Variants in MALT1 observed in about 807,000 individuals in gnomAD.
MALT1 encodes the protein mucosa-associated lymphoid tissue lymphoma translocation protein 1.
A neutral mutation model predicts 85.5 loss-of-function variants in MALT1; 36 were observed. The observed-to-expected ratio is 0.42, with a 90% CI of 0.32 to 0.56. MALT1 has a LOEUF of 0.56. Among genes scored for constraint, MALT1 ranks in the 20% least tolerant of loss-of-function variants. The pLI is 0.10. For synonymous variants in MALT1, 359 were observed against 361.3 expected (o/e 0.99, Z 0.07); for missense variants, 716 against 981.6 (o/e 0.73, Z 3.62).
chr18:58,747,360 T>G, intron 16 of MALT1, 45 bp from the exon 17 acceptor site: 9 of 1,206,992 alleles, frequency 7.5e-6, no homozygotes, highest in Non-Finnish European at 1.1e-5. Context: ...TTGATATATA[T>G]TCACTGTTGA....
rs1197187047 is a variant in MALT1 at position 58,751,123 on chromosome 18, T to C, written c.*3281T>C. 6.6e-6 allele frequency: 1 copy of C among 152,164 alleles called. No homozygotes were observed. The allele number at this position is 152,164 out of a possible 1,614,324, so 9.4% of individuals were successfully genotyped here. A position where few individuals can be genotyped will look rare whatever the true frequency, so the allele number is the denominator to read the frequency against. On this transcript the variant is annotated 3_prime_UTR_variant, in exon 17 of 17. Transcript: ENST00000649217. ...TCATGGGGTTGTTGAGCAGTTGAAA[T>C]AATAGCTAGTGTGAGGAACTGAACA...
rs75326807 is a variant in MALT1 at position 58,707,473 on chromosome 18, C to T, written c.650-1905C>T. 8.2e-3 allele frequency among the ~76,000 whole-genome samples: 1,250 copies of T among 151,526 alleles called. 35 individuals carry two copies. The East Asian group carries it at 0.11, about 14-fold the overall frequency. Reference sequence around the variant, plus strand: ...TAAGTTTTGGGATACGTGTACAGAACGTGCAGGTTTGTTACATAGGTATAC... The same window carrying T: ...TAAGTTTTGGGATACGTGTACAGAATGTGCAGGTTTGTTACATAGGTATAC... On this transcript the variant is annotated intron_variant, in intron 4 of 16. Transcript: ENST00000649217.
chr18:58,681,379 C>T, intron 2 of MALT1, 43 bp downstream of exon 2: 1 of 1,542,022 alleles, frequency 6.5e-7, no homozygotes, highest in Non-Finnish European at 8.8e-7. Context: ...GTTCATGGAG[C>T]CAAACTTAGA....
intron 4 of MALT1, among the ~76,000 whole-genome samples, chr18:58,703,690 G>A (rs757865642): frequency 3.3e-5 from 5 of 152,120 alleles, no homozygotes; most frequent in South Asian, 2.1e-4. Context: ...TGATCCAATC[G>A]CTTCCCACCA....
At chr18:58,705,584 T>G (rs1310649642) in intron 4 of MALT1, among the ~76,000 whole-genome samples, 3 of 147,750 alleles carry the variant, frequency 2.0e-5, no homozygotes, top group Non-Finnish European at 4.5e-5. Flanking sequence ...GTTTGGTTTT[T>G]TGTTCTTGCG....
intron 7 of MALT1, 40 bp from the exon 8 acceptor site, chr18:58,714,042 TG>T (rs1317778972): frequency 9.6e-6 from 9 of 939,838 alleles, no homozygotes; most frequent in Non-Finnish European, 1.5e-5. Context: ...GCTAAATTGG[TG>T]TTTAGATTAC....
Position 58,749,322 on chromosome 18 carries a change from G to T in MALT1, c.*1480G>T, listed in dbSNP as rs1003778793. The T allele has an allele frequency of 4.6e-6, 1 of 216,730 alleles. No homozygotes were observed. Among genetic ancestry groups the T allele is most frequent in the Non-Finnish European group, 9.3e-6 (1 of 107,680 alleles). The allele number at this position is 216,730 out of a possible 1,614,324, so 13.4% of individuals were successfully genotyped here. A position where few individuals can be genotyped will look rare whatever the true frequency, so the allele number is the denominator to read the frequency against. ...CTAGCAAATTCTACCTTATTTTACA[G>T]AAGTGAAAGTGAGGTATCAGAAGTG... On this transcript the variant is annotated 3_prime_UTR_variant, in exon 17 of 17. Transcript: ENST00000649217.
intron 15 of MALT1, 87 bp from the exon 16 acceptor site, chr18:58,745,578 AG>A (rs1427138696): frequency 7.0e-6 from 8 of 1,146,972 alleles, no homozygotes; most frequent in Non-Finnish European, 1.0e-5. Flanking sequence ...ACGAGAGGAT[AG>A]TATCAGTTAA....
intron 10 of MALT1, among the ~76,000 whole-genome samples, chr18:58,730,180 G>A (rs1033463514): frequency 2.0e-5 from 3 of 152,196 alleles, no homozygotes; most frequent in Non-Finnish European, 2.9e-5. Flanking sequence ...TGTATAAGTT[G>A]TACCCTTTTT....
chr18:58,701,851 G>T (rs778414668), intron 4 of MALT1, among the ~76,000 whole-genome samples: 16 of 152,178 alleles, frequency 1.1e-4, no homozygotes, highest in Admixed American at 2.0e-4. Flanking sequence ...GAAAGTCTCG[G>T]TCTTAATAAT....
intron 4 of MALT1, among the ~76,000 whole-genome samples, chr18:58,703,320 G>A (rs1169135605): frequency 6.6e-6 from 1 of 151,984 alleles, no homozygotes; most frequent in African/African-American, 2.4e-5. Flanking sequence ...TTGCACCATG[G>A]CACTCCAGCC....
At chr18:58,701,424 G>C (rs572799797) in intron 4 of MALT1, among the ~76,000 whole-genome samples, 1 of 152,292 alleles carries the variant, frequency 6.6e-6, no homozygotes, top group African/African-American at 2.4e-5. Flanking sequence ...TCCCTCTGCT[G>C]CCTTGGCATT....
intron 3 of MALT1, among the ~76,000 whole-genome samples, chr18:58,699,536 A>G (rs147999322): frequency 6.6e-6 from 1 of 152,364 alleles, no homozygotes; most frequent in Non-Finnish European, 1.5e-5. Context: ...GAAATGCTTG[A>G]GACCAGAAGT....
intron 9 of MALT1, among the ~76,000 whole-genome samples, chr18:58,719,371 TTGTC>T (rs1205144704): frequency 6.6e-6 from 1 of 152,038 alleles, no homozygotes; most frequent in African/African-American, 2.4e-5. Flanking sequence ...CTCCCTCTCC[TTGTC>T]TGTCTCTCTC....
intron 16 of MALT1, among the ~76,000 whole-genome samples, chr18:58,746,960 TC>T (rs1481466139): frequency 6.6e-6 from 1 of 152,182 alleles, no homozygotes; most frequent in Non-Finnish European, 1.5e-5. Flanking sequence ...ACTCCTAACT[TC>T]AAGTGATCCA....
intron 10 of MALT1, among the ~76,000 whole-genome samples, chr18:58,726,878 C>T (rs147329250): frequency 6.6e-6 from 1 of 152,164 alleles, no homozygotes; most frequent in African/African-American, 2.4e-5. Flanking sequence ...CGGCCTGCAG[C>T]GGAGCAGCTG....
intron 9 of MALT1, among the ~76,000 whole-genome samples, chr18:58,721,252 G>A (rs753827922): frequency 2.0e-5 from 3 of 152,128 alleles, no homozygotes; most frequent in Admixed American, 6.6e-5. Context: ...GGTGGCGCAT[G>A]CCTGTAATCC....
In MALT1 at chr18:58,671,797, C is replaced by G. The variant is rs2054165525; in HGVS notation, c.154C>G (p.Arg52Gly). 1 of 1,250,236 alleles carries G rather than the reference C, an allele frequency of 8.0e-7. No homozygotes were observed. The highest frequency in any genetic ancestry group is 1.0e-6 in the Non-Finnish European group (1 of 998,446). The allele number at this position is 1,250,236 out of a possible 1,614,324, so 77.4% of individuals were successfully genotyped here. ...SELLDQAPEG[R>G]GWRRLAELAG... ...GCTCCTGGATCAGGCGCCCGAGGGC[C>G]GGGGCTGGAGGAGACTGGCGGAGCT... Residue 52 changes from arginine (R) to glycine (G), a missense_variant, in exon 1 of 17, where the codon CGG becomes GGG. Physicochemically the swap from Arg to Gly is moderately radical, Grantham distance 125 (BLOSUM62 -2). Around this residue, in one of 4 missense-constraint regions of MALT1, gnomAD observed 290 missense variants for 380.5 expected, o/e 0.76. Coordinates refer to ENST00000649217, the MANE Select transcript of MALT1 (RefSeq NM_006785.4).
At chr18:58,683,350 G>A (rs1015666498) in intron 2 of MALT1, among the ~76,000 whole-genome samples, 13 of 151,984 alleles carry the variant, frequency 8.6e-5, no homozygotes, top group Non-Finnish European at 8.8e-5. Flanking sequence ...TACTCTAACC[G>A]TTATTTGCCA....
Sources: gnomAD v4.1 joint callset for allele counts (sites outside exome capture counted in the v4.1 genomes callset) on GRCh38, gnomAD v4.1.1 for gene constraint, gnomAD v4.1.1 regional missense constraint, MANE v1.5 for transcripts, NCBI Gene and HGNC (gene_info 2026-07-23, HGNC 2026-07-21) for gene names.